STARD9: variants seen among roughly 807,000 people sequenced by gnomAD.
The protein encoded by STARD9 is StAR related lipid transfer domain containing 9.
Under a neutral mutation model 399.8 loss-of-function variants are expected in STARD9, and 346 were observed. That is an observed-to-expected ratio of 0.87 (90% CI 0.79 to 0.95). STARD9 has a LOEUF of 0.95. Ranked by LOEUF, STARD9 falls within the 40% of genes least tolerant of loss-of-function variation. STARD9 has a pLI of 0.00. For synonymous variants in STARD9, 2,203 were observed against 2,143.5 expected (o/e 1.03, Z -0.77); for missense variants, 5,832 against 5,667.5 (o/e 1.03, Z -0.93).
In STARD9 at chr15:42,719,360, A is replaced by G. The variant is rs561457101; in HGVS notation, c.14002-113A>G. 259 of 685,300 alleles carry G rather than the reference A, an allele frequency of 3.8e-4. 1 individual carries two copies. The highest frequency in any genetic ancestry group is 2.1e-4 in the Non-Finnish European group (83 of 401,078). The allele number at this position is 685,300 out of a possible 1,614,324, so 42.5% of individuals were successfully genotyped here. A position where few individuals can be genotyped will look rare whatever the true frequency, so the allele number is the denominator to read the frequency against. On this transcript the variant is annotated intron_variant, in intron 32 of 32. Transcript: ENST00000290607. ...AGGGGCCTGTAAACACCAAACCACA[A>G]TCTGAGGTGCTTCTCCCATCACCAC...
intron 4 of STARD9, among the ~76,000 whole-genome samples, chr15:42,636,650 C>G (rs377574655): frequency 7.9e-4 from 120 of 152,304 alleles, no homozygotes; most frequent in African/African-American, 2.7e-3. Flanking sequence ...AACAAATAAA[C>G]ACTACACAGG....
chr15:42,681,624 C>T lies in STARD9; in HGVS notation c.2065+12C>T, dbSNP rs1230640866. 6.5e-7 allele frequency: 1 copy of T among 1,529,640 alleles called. No homozygotes were observed. Among genetic ancestry groups the T allele is most frequent in the African/African-American group, 1.4e-5 (1 of 72,944 alleles). 94.8% of individuals were successfully genotyped at this position (1,529,640 alleles called of 1,614,324 possible). ...GCAGATTAAAGAAAGTAGGTGTCCA[C>T]CACTTAATGTGTCTGCCTCACCTCC... On this transcript the variant is annotated intron_variant, in intron 21 of 32. Transcript: ENST00000290607.
chr15:42,590,248 C>T (rs1222104753), intron 3 of STARD9, among the ~76,000 whole-genome samples: 3 of 152,100 alleles, frequency 2.0e-5, no homozygotes, highest in African/African-American at 7.2e-5. Flanking sequence ...CAGGTGTGAG[C>T]CACCACACCT....
intron 26 of STARD9, among the ~76,000 whole-genome samples, chr15:42,710,107 T>C (rs955620119): frequency 1.3e-5 from 2 of 148,788 alleles, no homozygotes; most frequent in African/African-American, 5.0e-5. Context: ...TTGCCCAGGC[T>C]AGAGTGCAGT....
intron 18 of STARD9, 72 bp from the exon 19 acceptor site, chr15:42,675,592 A>T (rs2060293149): frequency 8.7e-7 from 1 of 1,153,876 alleles, no homozygotes; most frequent in Admixed American, 2.0e-5. Flanking sequence ...CTCACAGAGC[A>T]GTGCCGTACA....
Position 42,695,856 on chromosome 15 carries a change from C to G in STARD9, c.13260C>G (p.Gly4420=), listed in dbSNP as rs575843377. ...SGYNSSPALS[G]QLQFPENMGH... ...ATAATAGCAGCCCAGCCTTGTCAGG[C>G]CAGCTCCAGTTCCCAGAGAATATGG... is the stretch of plus-strand genomic sequence containing the variant. Residue 4420 remains glycine (G), a synonymous_variant, in exon 26 of 33, where the codon GGC becomes GGG. Coordinates refer to ENST00000290607, the MANE Select transcript of STARD9 (RefSeq NM_020759.3). 6.5e-7 allele frequency: 1 copy of G among 1,537,164 alleles called. No individual in the cohort carries two copies. The highest frequency in any genetic ancestry group is 2.4e-5 in the East Asian group (1 of 40,918).
Position 42,692,447 on chromosome 15 carries a change from A to T in STARD9, c.10869A>T (p.Pro3623=). ...TGGATGAGATTATGCTGCTGTATCCATCAGAGGCAGGCTGCCCTGTGGGAC... is the reference window on the plus strand; with the variant it reads ...TGGATGAGATTATGCTGCTGTATCCTTCAGAGGCAGGCTGCCCTGTGGGAC... ...GPVDEIMLLY[P]SEAGCPVGQT... is the part of the protein sequence containing the mutation. Residue 3623 remains proline (P), a synonymous_variant, in exon 23 of 33, where the codon CCA becomes CCT. Coordinates refer to ENST00000290607, the MANE Select transcript of STARD9 (RefSeq NM_020759.3). 6.5e-7 allele frequency: 1 copy of T among 1,537,148 alleles called. No individual in the cohort carries two copies. Among genetic ancestry groups the T allele is most frequent in the Non-Finnish European group, 8.7e-7 (1 of 1,146,916 alleles).
chr15:42,591,193 A>T (rs1013266379), intron 3 of STARD9, among the ~76,000 whole-genome samples: 1 of 152,172 alleles, frequency 6.6e-6, no homozygotes, highest in African/African-American at 2.4e-5. Flanking sequence ...TGTGACAATA[A>T]AAAACATGTC....
intron 3 of STARD9, among the ~76,000 whole-genome samples, chr15:42,611,740 A>T (rs556860024): frequency 1.3e-5 from 2 of 152,190 alleles, no homozygotes; most frequent in African/African-American, 4.8e-5. Context: ...TTTTCAGGAT[A>T]CAAGGACGAG....
chr15:42,593,808 C>T (rs926278107), intron 3 of STARD9, among the ~76,000 whole-genome samples: 4 of 151,512 alleles, frequency 2.6e-5, no homozygotes, highest in South Asian at 2.1e-4. Flanking sequence ...GGACTACAGG[C>T]GCCCGCCACC....
chr15:42,613,535 A>G (rs1340485806), intron 3 of STARD9, among the ~76,000 whole-genome samples: 2 of 152,192 alleles, frequency 1.3e-5, no homozygotes, highest in African/African-American at 4.8e-5. Context: ...TCAGTTATCT[A>G]TAAAATGAGG....
At chr15:42,681,851 C>A (rs2060436727) in intron 21 of STARD9, among the ~76,000 whole-genome samples, 1 of 152,136 alleles carries the variant, frequency 6.6e-6, no homozygotes, top group Non-Finnish European at 1.5e-5. Flanking sequence ...TACTGCTCCT[C>A]ATTTGGTCAT....
intron 9 of STARD9, among the ~76,000 whole-genome samples, chr15:42,660,685 G>A (rs1012723238): frequency 6.6e-6 from 1 of 152,018 alleles, no homozygotes; most frequent in Non-Finnish European, 1.5e-5. Flanking sequence ...CTTCTTGGGG[G>A]CTGGATGGCG....
intron 26 of STARD9, among the ~76,000 whole-genome samples, chr15:42,699,392 C>CTTTTTTTTTTGTTTTTT (rs2060912399): frequency 8.8e-6 from 1 of 113,280 alleles, no homozygotes; most frequent in African/African-American, 4.1e-5. Flanking sequence ...TTTTTCTTTT[C>CTTTTTTTTTTGTTTTTT]TTTTTTTTTT....
At chr15:42,644,533 T>C (rs749465084) in intron 7 of STARD9, among the ~76,000 whole-genome samples, 4 of 152,126 alleles carry the variant, frequency 2.6e-5, no homozygotes, top group Non-Finnish European at 5.9e-5. Context: ...AAAAATACTT[T>C]ATTGCTAAAA....
chr15:42,644,102 A>G lies in STARD9; in HGVS notation c.559+5290A>G, dbSNP rs570478377. Among the ~76,000 whole-genome samples the G allele has an allele frequency of 1.3e-3, 198 of 152,382 alleles. 1 individual carries two copies. The highest frequency in any genetic ancestry group is 6.8e-3 in the Middle Eastern group (2 of 294). ...AATAAAGTATCACAATAAAGCAAAA[A>G]TCAAAATAAAAACACAAATGTTTTG... On this transcript the variant is annotated intron_variant, in intron 7 of 32. Coordinates refer to ENST00000290607, the MANE Select transcript of STARD9 (RefSeq NM_020759.3).
intron 26 of STARD9, among the ~76,000 whole-genome samples, chr15:42,712,025 G>T (rs921504239): frequency 2.8e-5 from 3 of 107,046 alleles, no homozygotes; most frequent in African/African-American, 1.1e-4. Flanking sequence ...TGTGGCTTCA[G>T]TTCCATTGCC....
In STARD9 at chr15:42,684,371, C is replaced by A. The variant is rs1002850025; in HGVS notation, c.2793C>A (p.Ile931=). Residue 931 remains isoleucine, a synonymous_variant, in exon 23 of 33, where the codon ATC becomes ATA. Transcript: ENST00000290607. ...CCATGAGTCCCAACTCTGTTGGCATCCAGGAAATGGAGATGGGGGTTAAGC... is the reference window on the plus strand; with the variant it reads ...CCATGAGTCCCAACTCTGTTGGCATACAGGAAATGGAGATGGGGGTTAAGC... ...CLTMSPNSVG[I]QEMEMGVKQP... is the part of the protein sequence containing the mutation. 1.1e-5 allele frequency: 17 copies of A among 1,536,866 alleles called. No individual in the cohort carries two copies. Among genetic ancestry groups the A allele is most frequent in the African/African-American group, 8.2e-5 (6 of 73,042 alleles).
intron 25 of STARD9, among the ~76,000 whole-genome samples, 181 bp from the exon 26 acceptor site, chr15:42,695,562 A>G (rs960730829): frequency 1.3e-5 from 2 of 152,202 alleles, no homozygotes; most frequent in African/African-American, 4.8e-5. Context: ...GTGGGGAAAT[A>G]CGAGCAGTGG....
Sources: allele counts gnomAD v4.1 joint callset (sites outside exome capture counted in the v4.1 genomes callset), GRCh38; gene constraint gnomAD v4.1.1; transcripts MANE v1.5; gene names NCBI Gene and HGNC (gene_info 2026-07-23, HGNC 2026-07-21).